The following RMDN3 variants were observed in gnomAD, a reference collection of about 807,000 sequenced individuals.
RMDN3 encodes regulator of microtubule dynamics protein 3.
A neutral mutation model predicts 61.8 loss-of-function variants in RMDN3; 41 were observed. That is an observed-to-expected ratio of 0.66 (90% confidence interval 0.52 to 0.86). The LOEUF (loss-of-function observed/expected upper bound fraction) is 0.86. RMDN3 is among the 40% of genes least tolerant of loss of function. The pLI is 0.00. For synonymous variants in RMDN3, 247 were observed against 232.0 expected, an observed-to-expected ratio of 1.06 and a Z score of -0.59; for missense variants, 557 against 585.3, an observed-to-expected ratio of 0.95 and a Z score of 0.50.
chr15:40,736,338 C>G lies in RMDN3; in HGVS notation c.*203G>C, dbSNP rs547869415. On this transcript the variant is annotated 3_prime_UTR_variant, in exon 13 of 13. Transcript: ENST00000338376. ...TACTCAAGGGAGAGAACAACAGAAA[C>G]GGAAGCCATGAGTACTGCCCCAATT... 5.8e-6 allele frequency: 3 copies of G among 520,582 alleles called. No homozygotes were observed. The highest frequency in any genetic ancestry group is 1.0e-5 in the Non-Finnish European group (3 of 294,444). The allele number at this position is 520,582 out of a possible 1,614,324, so 32.2% of individuals were successfully genotyped here.
intron 1 of RMDN3, 56 bp from the exon 2 acceptor site, chr15:40,754,846 G>GGA (rs913169385): frequency 8.9e-6 from 12 of 1,353,540 alleles, no homozygotes; most frequent in Middle Eastern, 2.6e-4. Context: ...GCGGGGGTAA[G>GGA]GAGAGAGAGA....
At chr15:40,741,616 T>C (rs1443626433) in intron 6 of RMDN3, among the ~76,000 whole-genome samples, 3 of 139,834 alleles carry the variant, frequency 2.1e-5, no homozygotes, top group Non-Finnish European at 4.5e-5. Flanking sequence ...CACTGCAACA[T>C]AGGATTTTTT....
intron 2 of RMDN3, among the ~76,000 whole-genome samples, chr15:40,752,488 T>TA (rs200722805): frequency 0.016 from 1,788 of 114,404 alleles, 22 homozygotes; most frequent in African/African-American, 0.039. Context: ...CTGCTAGAGT[T>TA]AAAAAAAAAC....
At chr15:40,738,429 G>T in intron 8 of RMDN3, 72 bp downstream of exon 8, 1 of 1,481,898 alleles carries the variant, frequency 6.7e-7, no homozygotes. Context: ...AAAAGTTTTT[G>T]GCAGGGAGCT....
chr15:40,748,448 G>T (rs2141920214), intron 4 of RMDN3, among the ~76,000 whole-genome samples: 1 of 152,300 alleles, frequency 6.6e-6, no homozygotes, highest in Non-Finnish European at 1.5e-5. Flanking sequence ...CTATAATTAA[G>T]AAATCCACTC....
rs372926230 is a variant in RMDN3 at position 40,746,351 on chromosome 15, TA to T, written c.525-1093del. On this transcript the variant is annotated intron_variant, in intron 4 of 12. Coordinates refer to ENST00000338376, the MANE Select transcript of RMDN3 (RefSeq NM_018145.3). ...TAACACGGTGAAACCCTGTCTCTACTAAAAAATACAAAAAATTAGCCAGGCA... is the reference window on the plus strand; with the variant it reads ...TAACACGGTGAAACCCTGTCTCTACTAAAAATACAAAAAATTAGCCAGGCA... Among the ~76,000 whole-genome samples, 1,137 of 151,630 alleles carry T rather than the reference TA, an allele frequency of 7.5e-3. 18 individuals are homozygous for T. The highest frequency in any genetic ancestry group is 0.026 in the African/African-American group (1,056 of 41,332).
At chr15:40,751,697 C>G (rs979385097) in intron 3 of RMDN3, 128 bp from the exon 4 acceptor site, 2 of 1,422,190 alleles carry the variant, frequency 1.4e-6, no homozygotes, top group African/African-American at 2.8e-5. Context: ...TCCTAAGTCT[C>G]TAACCCTCAG....
At chr15:40,754,827 G>A (rs1175944494) in intron 1 of RMDN3, 37 bp from the exon 2 acceptor site, 3 of 1,432,826 alleles carry the variant, frequency 2.1e-6, no homozygotes, top group Admixed American at 2.2e-5. Flanking sequence ...CAGGCAGGCG[G>A]GCGGGCGGGC....
In RMDN3 at chr15:40,745,093, C is replaced by T; in HGVS notation, c.691G>A (p.Gly231Ser). The T allele has an allele frequency of 5.6e-6, 9 of 1,614,170 alleles. No homozygotes were observed. Among genetic ancestry groups the T allele is most frequent in the Non-Finnish European group, 7.6e-6 (9 of 1,180,026 alleles). ...SGASSALEAG[G>S]SSGLEDVLPL... ...AGCACATCCTCCAAGCCTGAGGAAC[C>T]TCCAGCCTCCAGGGCACTGGAGGCA... Residue 231 changes from glycine (G) to serine (S), a missense_variant, in exon 5 of 13, where the codon GGT becomes AGT. Transcript: ENST00000338376.
At position 40,736,605 on chromosome 15, in the gene RMDN3, A is replaced by AAAGAACAAATCT; in HGVS notation, c.1360-23_1360-12dup. On this transcript the variant is annotated splice_polypyrimidine_tract_variant and intron_variant, in intron 12 of 12. Transcript: ENST00000338376. ...CTGGATAGCCAAATCCTAGGGAGAC[A>AAAGAACAAATCT]AAGAACAAATCTAGGGCTCAAAATT... The AAAGAACAAATCT allele has an allele frequency of 6.2e-7, 1 of 1,613,618 alleles. No individual in the cohort carries two copies. Among genetic ancestry groups the AAAGAACAAATCT allele is most frequent in the South Asian group, 1.1e-5 (1 of 91,056 alleles).
rs1360333737 is a variant in RMDN3 at position 40,737,177 on chromosome 15, CAG to C, written c.1304_1305del (p.Ser435Ter). 1 of 1,614,222 alleles carries C rather than the reference CAG, an allele frequency of 6.2e-7. No individual in the cohort carries two copies. The highest frequency in any genetic ancestry group is 2.2e-5 in the East Asian group (1 of 44,884). The stretch of plus-strand genomic sequence containing the variant: ...GCCAACTTCATCCACCATCTAGCTT[CAG>C]AGTTTTTCCCTAGTTCTCTGTAGCA... The part of the protein sequence containing the change: ...SKCYRELGKN[S>X]EARWWMKLAL... On this transcript the variant is annotated frameshift_variant, in exon 12 of 13. Transcript: ENST00000338376. LOFTEE classifies it high-confidence loss of function.
intron 6 of RMDN3, 106 bp from the exon 7 acceptor site, chr15:40,740,299 G>T: frequency 2.6e-6 from 2 of 780,556 alleles, no homozygotes; most frequent in Non-Finnish European, 4.5e-6. Context: ...TCCCTACCCA[G>T]CTTGGACTTG....
At chr15:40,738,449 T>TG in intron 8 of RMDN3, 52 bp downstream of exon 8, 1 of 1,575,712 alleles carries the variant, frequency 6.3e-7, no homozygotes, top group East Asian at 2.2e-5. Context: ...TGGAAAGGAG[T>TG]GGGGAATCTG....
intron 4 of RMDN3, among the ~76,000 whole-genome samples, chr15:40,748,944 C>T (rs904729028): frequency 1.3e-5 from 2 of 150,160 alleles, no homozygotes; most frequent in Non-Finnish European, 2.9e-5. Flanking sequence ...TGCTCTATCA[C>T]CGAGGCTGGA....
intron 2 of RMDN3, among the ~76,000 whole-genome samples, chr15:40,753,209 C>T (rs1421223512): frequency 2.0e-5 from 3 of 152,164 alleles, no homozygotes; most frequent in Non-Finnish European, 2.9e-5. Context: ...CACTCATTTC[C>T]AATTAGCATG....
Position 40,751,673 on chromosome 15 carries a change from A to G in RMDN3, c.381-104T>C, listed in dbSNP as rs1034320594. The G allele has an allele frequency of 5.3e-6, 8 of 1,511,730 alleles. No individual in the cohort carries two copies. The East Asian group carries it at 1.8e-4, about 34-fold the overall frequency. The allele number at this position is 1,511,730 out of a possible 1,614,324, so 93.6% of individuals were successfully genotyped here. A position where few individuals can be genotyped will look rare whatever the true frequency, so the allele number is the denominator to read the frequency against. Reference sequence around the variant, plus strand: ...TACTACTGCTCCTCATTAAAGGGCTAAAAGCAGAGAAAATCCTAAGTCTCT... The same window carrying G: ...TACTACTGCTCCTCATTAAAGGGCTGAAAGCAGAGAAAATCCTAAGTCTCT... On this transcript the variant is annotated intron_variant, in intron 3 of 12. Coordinates refer to ENST00000338376, the MANE Select transcript of RMDN3 (RefSeq NM_018145.3).
chr15:40,745,262 G>A lies in RMDN3; in HGVS notation c.525-3C>T, dbSNP rs1897480137. 3.1e-6 allele frequency: 5 copies of A among 1,613,030 alleles called. No homozygotes were observed. Among genetic ancestry groups the A allele is most frequent in the Non-Finnish European group, 4.2e-6 (5 of 1,179,748 alleles). Reference sequence around the variant, plus strand: ...ACTCCGCATTGGCTGTTGTGTAACTGGCAGAGAAATGTAAGGGACAACAAG... The same window carrying A: ...ACTCCGCATTGGCTGTTGTGTAACTAGCAGAGAAATGTAAGGGACAACAAG... On this transcript the variant is annotated splice_region_variant and splice_polypyrimidine_tract_variant and intron_variant, in intron 4 of 12. Coordinates refer to ENST00000338376, the MANE Select transcript of RMDN3 (RefSeq NM_018145.3).
intron 7 of RMDN3, 92 bp from the exon 8 acceptor site, chr15:40,738,668 C>T (rs1311233789): frequency 8.4e-7 from 1 of 1,187,538 alleles, no homozygotes; most frequent in Non-Finnish European, 1.2e-6. Context: ...GCATTGTCCC[C>T]TATCCCTGTA....
chr15:40,738,595 G>A lies in RMDN3; in HGVS notation c.972-19C>T. 1 of 1,613,860 alleles carries A rather than the reference G, an allele frequency of 6.2e-7. No individual in the cohort carries two copies. The highest frequency in any genetic ancestry group is 1.1e-5 in the South Asian group (1 of 91,064). The stretch of plus-strand genomic sequence containing the variant: ...CGCATACCTAGGGGGGAAGCAGCAA[G>A]CTCAGGGACAAGGGCTGAGTACCAT... On this transcript the variant is annotated intron_variant, in intron 7 of 12. Coordinates refer to ENST00000338376, the MANE Select transcript of RMDN3 (RefSeq NM_018145.3).
Sources: allele counts gnomAD v4.1 joint callset (sites outside exome capture counted in the v4.1 genomes callset), GRCh38; gene constraint gnomAD v4.1.1; transcripts MANE v1.5; gene names NCBI Gene and HGNC (gene_info 2026-07-23, HGNC 2026-07-21).